Variants in FMNL3 observed in about 807,000 individuals in gnomAD.
FMNL3 encodes formin like 3.
In FMNL3, 57 loss-of-function variants were observed where a neutral mutation model predicts 119.6. The ratio of observed to expected loss-of-function variants is 0.48; its 90% CI spans 0.39 to 0.59. The LOEUF is 0.59. FMNL3 is among the 20% of genes least tolerant of loss of function. The pLI is 0.00. For synonymous variants in FMNL3, 491 were observed against 507.3 expected (o/e 0.97, Z 0.43); for missense variants, 1,053 against 1,323.5 (o/e 0.80, Z 3.17).
At chr12:49,691,202 G>C (rs1009624246) in intron 1 of FMNL3, among the ~76,000 whole-genome samples, 1 of 152,236 alleles carries the variant, frequency 6.6e-6, no homozygotes, top group Non-Finnish European at 1.5e-5. Flanking sequence ...TCACAGAGTT[G>C]TGATGATTAA....
chr12:49,637,024 C>G lies in FMNL3; in HGVS notation c.*8791G>C. On this transcript the variant is annotated 3_prime_UTR_variant, in exon 26 of 26. Coordinates refer to ENST00000335154, the MANE Select transcript of FMNL3 (RefSeq NM_175736.5). The stretch of plus-strand genomic sequence containing the variant: ...CTGTTTCTGCTGTACCTCCTCAATT[C>G]TGGACTGTGCTCTTCTAGGGAGACT... 1 of 947,124 alleles carries G rather than the reference C, an allele frequency of 1.1e-6. No homozygotes were observed. The highest frequency in any genetic ancestry group is 3.4e-4 in the Middle Eastern group (1 of 2,962). 58.7% of individuals were successfully genotyped at this position (947,124 alleles called of 1,614,324 possible).
chr12:49,648,240 T>G lies in FMNL3; in HGVS notation c.2629A>C (p.Asn877His). ...NSVLRNFLST[N>H]EGKLDKLQRD... ...TGGAGCTTGTCTAGTTTGCCTTCAT[T>G]GGTACTGAGGAAGTTCCGGAGGACG... Residue 877 changes from asparagine to histidine, a missense_variant, in exon 22 of 26, where the codon AAT becomes CAT. Physicochemically the swap from Asn to His is moderately conservative, Grantham distance 68 (BLOSUM62 1). Around this residue, in one of 4 missense-constraint regions of FMNL3, gnomAD observed 324 missense variants for 380.9 expected, o/e 0.85. Transcript: ENST00000335154. The G allele has an allele frequency of 3.7e-6, 6 of 1,613,956 alleles. No homozygotes were observed. Among genetic ancestry groups the G allele is most frequent in the Non-Finnish European group, 5.1e-6 (6 of 1,179,952 alleles).
chr12:49,706,422 C>T (rs908963299), intron 1 of FMNL3, among the ~76,000 whole-genome samples: 2 of 152,202 alleles, frequency 1.3e-5, no homozygotes, highest in African/African-American at 2.4e-5. Context: ...ATGGTTTATC[C>T]ACATGTTCAG....
At chr12:49,702,232 G>T (rs1478538343) in intron 1 of FMNL3, among the ~76,000 whole-genome samples, 1 of 152,204 alleles carries the variant, frequency 6.6e-6, no homozygotes, top group Non-Finnish European at 1.5e-5. Flanking sequence ...AAGCCTGGGA[G>T]TTCAAAGCTG....
chr12:49,682,342 T>C (rs1202024238), intron 1 of FMNL3, among the ~76,000 whole-genome samples: 3 of 152,166 alleles, frequency 2.0e-5, no homozygotes, highest in Non-Finnish European at 4.4e-5. Context: ...AGTGCTGGGA[T>C]TACAGGCGTG....
chr12:49,688,667 C>A, intron 1 of FMNL3: 1 of 377,768 alleles, frequency 2.6e-6, no homozygotes, highest in Non-Finnish European at 5.2e-6. Context: ...AAGTCCATTA[C>A]AACAGACCAG....
At chr12:49,699,149 G>GA (rs954056525) in intron 1 of FMNL3, among the ~76,000 whole-genome samples, 1 of 152,204 alleles carries the variant, frequency 6.6e-6, no homozygotes, top group Admixed American at 6.5e-5. Context: ...AGACGTGGGA[G>GA]AAATGTTTCC....
rs1008158053 is a variant in FMNL3 at position 49,649,825 on chromosome 12, G to A, written c.2101C>T (p.Arg701Trp). The stretch of plus-strand genomic sequence containing the variant: ...GCTGCCAACTCCTCCAGGGGCTGCC[G>A]CTCCCGCTCATATTGCCGCAGCAGC... ...VKLLRQYERE[R>W]QPLEELAAED... The change falls in exon 18 of 26, where the codon CGG becomes TGG. Residue 701 changes from arginine to tryptophan, a missense_variant. Around this residue, in one of 4 missense-constraint regions of FMNL3, gnomAD observed 445 missense variants for 628.4 expected, o/e 0.71. Coordinates refer to ENST00000335154, the MANE Select transcript of FMNL3 (RefSeq NM_175736.5). This position sits in a 1 kb window ranked among gnomAD's most constrained non-coding sequence, Gnocchi z 5.6. 1.5e-5 allele frequency: 24 copies of A among 1,614,046 alleles called. No homozygotes were observed. The highest frequency in any genetic ancestry group is 2.7e-5 in the African/African-American group (2 of 74,908).
In FMNL3 at chr12:49,637,066, C is replaced by T. The variant is rs1941923761; in HGVS notation, c.*8749G>A. 3 of 691,130 alleles carry T rather than the reference C, an allele frequency of 4.3e-6. No individual in the cohort carries two copies. The highest frequency in any genetic ancestry group is 7.1e-6 in the Non-Finnish European group (3 of 422,058). The allele number at this position is 691,130 out of a possible 1,614,324, so 42.8% of individuals were successfully genotyped here. On this transcript the variant is annotated 3_prime_UTR_variant, in exon 26 of 26. Coordinates refer to ENST00000335154, the MANE Select transcript of FMNL3 (RefSeq NM_175736.5). ...AGGGAGACTAGATGTATGCACCACC[C>T]AGAAACTGCCAGTAGAGAGCACCCT...
At position 49,651,396 on chromosome 12, in the gene FMNL3, G is replaced by C; in HGVS notation, c.1658C>G (p.Thr553Arg). The change falls in exon 15 of 26, where the codon ACA (threonine) becomes AGA (arginine). Residue 553 changes from threonine to arginine, a missense_variant. Transcript: ENST00000335154. ...GGGATACTCACCTGACAGGCCCACT[G>C]TCAACACCACAGAGGGTGCAGCACC... ...LPGAAPSVVL[T>R]VGLSAIRIKK... 6.4e-7 allele frequency: 1 copy of C among 1,556,748 alleles called. No homozygotes were observed. The highest frequency in any genetic ancestry group is 8.7e-7 in the Non-Finnish European group (1 of 1,144,448).
rs1321659064 is a variant in FMNL3 at position 49,639,099 on chromosome 12, T to G, written c.*6716A>C. ...AGTAGAGCCCTGCATGTAAAGTGCCTTGAATGCTAAAATAAGAAATTTGGA... is the reference window on the plus strand; with the variant it reads ...AGTAGAGCCCTGCATGTAAAGTGCCGTGAATGCTAAAATAAGAAATTTGGA... On this transcript the variant is annotated 3_prime_UTR_variant, in exon 26 of 26. Coordinates refer to ENST00000335154, the MANE Select transcript of FMNL3 (RefSeq NM_175736.5). 1 of 152,198 alleles carries G rather than the reference T, an allele frequency of 6.6e-6. No homozygotes were observed. The highest frequency in any genetic ancestry group is 6.5e-5 in the Admixed American group (1 of 15,284). 9.4% of individuals were successfully genotyped at this position (152,198 alleles called of 1,614,324 possible).
chr12:49,665,998 A>T (rs1206380775), intron 3 of FMNL3, 90 bp from the exon 4 acceptor site: 8 of 1,554,662 alleles, frequency 5.1e-6, no homozygotes, highest in Non-Finnish European at 2.7e-6. Flanking sequence ...GCCCTTGGCC[A>T]CAGAACCCTG....
chr12:49,660,012 G>A (rs1479130280), intron 5 of FMNL3: 5 of 966,600 alleles, frequency 5.2e-6, no homozygotes, highest in Non-Finnish European at 6.2e-6. Context: ...GGAAGTGGGA[G>A]CAGGCTTTAG....
intron 1 of FMNL3, among the ~76,000 whole-genome samples, chr12:49,690,999 C>T (rs1279110905): frequency 1.3e-5 from 2 of 152,128 alleles, no homozygotes; most frequent in African/African-American, 2.4e-5. Context: ...GCCAAGATTG[C>T]GCCACTGCAC....
In FMNL3 at chr12:49,649,753, G is replaced by A; in HGVS notation, c.2173C>T (p.Gln725Ter). 7 of 1,614,202 alleles carry A rather than the reference G, an allele frequency of 4.3e-6. No homozygotes were observed. Among genetic ancestry groups the A allele is most frequent in the Non-Finnish European group, 5.9e-6 (7 of 1,180,040 alleles). Residue 725 changes from glutamine (Q) to a stop codon, truncating the protein, a stop_gained, in exon 18 of 26, where the codon CAG (glutamine) becomes TAG (stop). Coordinates refer to ENST00000335154, the MANE Select transcript of FMNL3 (RefSeq NM_175736.5). LOFTEE classifies it high-confidence loss of function. The surrounding 1 kb of genome is among the most constrained non-coding windows in gnomAD (Gnocchi z 5.6). ...LLFSKVERLT[Q>*]RMAGMAFLGN... ...AGGAAGGCCATGCCAGCCATTCGCTGGGTCAACCGTTCCACCTTGCTGAAG... is the reference window on the plus strand; with the variant it reads ...AGGAAGGCCATGCCAGCCATTCGCTAGGTCAACCGTTCCACCTTGCTGAAG...
intron 11 of FMNL3, 126 bp downstream of exon 11, chr12:49,654,066 G>A: frequency 8.6e-7 from 1 of 1,164,188 alleles, no homozygotes; most frequent in Middle Eastern, 2.0e-4. Flanking sequence ...CTGAGTCCCA[G>A]GCTACAGAAG....
At chr12:49,701,218 G>A (rs570650456) in intron 1 of FMNL3, among the ~76,000 whole-genome samples, 1 of 151,680 alleles carries the variant, frequency 6.6e-6, no homozygotes, top group Non-Finnish European at 1.5e-5. Context: ...ATATATACAC[G>A]TACATCAAAG....
At chr12:49,679,271 C>T (rs1424484595) in intron 1 of FMNL3, among the ~76,000 whole-genome samples, 1 of 152,110 alleles carries the variant, frequency 6.6e-6, no homozygotes, top group Non-Finnish European at 1.5e-5. Context: ...AAGTCTGACC[C>T]CAAAGTCTAA....
intron 2 of FMNL3, among the ~76,000 whole-genome samples, chr12:49,667,036 C>A (rs1257666057): frequency 6.6e-6 from 1 of 152,132 alleles, no homozygotes; most frequent in Non-Finnish European, 1.5e-5. Context: ...ATACTGAAGG[C>A]TGCATTCAGC....
Sources: gnomAD v4.1 joint callset for allele counts (sites outside exome capture counted in the v4.1 genomes callset) on GRCh38, gnomAD v4.1.1 for gene constraint, gnomAD v4.1.1 regional missense constraint, Gnocchi (gnomAD v3.1) non-coding constraint, MANE v1.5 for transcripts, NCBI Gene and HGNC (gene_info 2026-07-23, HGNC 2026-07-21) for gene names.